The following VPS13D variants were observed in gnomAD, a reference collection of about 807,000 sequenced individuals.
The protein encoded by VPS13D is vacuolar protein sorting 13 homolog D.
VPS13D carries 187 observed loss-of-function variants against 461.9 expected under a neutral mutation model. The observed-to-expected ratio is 0.40, with a 90% CI of 0.36 to 0.46. VPS13D has a LOEUF of 0.46. VPS13D is among the 20% of genes least tolerant of loss of function. The probability of loss-of-function intolerance (pLI) is 0.60; values close to 1 mark genes in which losing one functional copy is unlikely to be tolerated. For missense variants in VPS13D, 4,711 were observed against 5,364.9 expected (o/e 0.88, Z 3.81); for synonymous variants, 1,951 against 1,986.3 (o/e 0.98, Z 0.47).
chr1:12,487,874 G>A lies in VPS13D; in HGVS notation c.12663-9626G>A, dbSNP rs375582842. ...ACCCCTGAAATTTTTTTTTGAAAGCGCCTGCTGTGAGTTTTATTAATGGCA... is the reference window on the plus strand; with the variant it reads ...ACCCCTGAAATTTTTTTTTGAAAGCACCTGCTGTGAGTTTTATTAATGGCA... On this transcript the variant is annotated intron_variant, in intron 67 of 69. Coordinates refer to ENST00000620676, the MANE Select transcript of VPS13D (RefSeq NM_015378.4). 1.4e-4 allele frequency among the ~76,000 whole-genome samples: 21 copies of A among 151,948 alleles called. No individual in the cohort carries two copies. In the East Asian group the frequency reaches 4.1e-3, roughly 29 times the overall value.
intron 17 of VPS13D, 139 bp downstream of exon 17, chr1:12,271,263 C>A: frequency 9.1e-7 from 1 of 1,095,176 alleles, no homozygotes; most frequent in Non-Finnish European, 1.3e-6. Context: ...AAATCCTTAT[C>A]AGCTAGCATA....
In VPS13D at chr1:12,356,409, A is replaced by G. The variant is rs776045108; in HGVS notation, c.9883A>G (p.Ile3295Val). The G allele has an allele frequency of 5.6e-6, 9 of 1,613,774 alleles. No individual in the cohort carries two copies. The South Asian group carries it at 8.8e-5, about 16-fold the overall frequency. The stretch of plus-strand genomic sequence containing the variant: ...TCTCCTTCCTAAAGGGTTGCCACTG[A>G]TCTTCAGACAGGACAATGCCAAGAC... ...WLINKTGLPL[I>V]FRQDNAKTDA... Residue 3295 changes from isoleucine (I) to valine (V), a missense_variant, in exon 49 of 70, where the codon ATC becomes GTC. By Grantham distance (29) the Ile-to-Val change is conservative. This residue lies in a region of VPS13D where 4,411 missense variants were observed against 4,937.8 expected (regional missense o/e 0.89). Transcript: ENST00000620676.
intron 2 of VPS13D, among the ~76,000 whole-genome samples, chr1:12,236,724 A>G (rs1468287283): frequency 6.6e-6 from 1 of 152,100 alleles, no homozygotes; most frequent in Non-Finnish European, 1.5e-5. Context: ...TTACTGTTCT[A>G]GATGCTTTGG....
chr1:12,332,353 A>G (rs1180852138), intron 37 of VPS13D, among the ~76,000 whole-genome samples: 1 of 152,238 alleles, frequency 6.6e-6, no homozygotes, highest in Non-Finnish European at 1.5e-5. Flanking sequence ...ATTATAATGC[A>G]TGTTAATATT....
intron 44 of VPS13D, among the ~76,000 whole-genome samples, chr1:12,347,020 T>G (rs1643691599): frequency 6.6e-6 from 1 of 152,228 alleles, no homozygotes; most frequent in Non-Finnish European, 1.5e-5. Context: ...AGCAGTTTAT[T>G]TCCTCTTTGG....
intron 57 of VPS13D, among the ~76,000 whole-genome samples, chr1:12,380,441 A>G (rs1309719019): frequency 6.6e-6 from 1 of 151,962 alleles, no homozygotes; most frequent in Non-Finnish European, 1.5e-5. Context: ...TGCTGTAGCA[A>G]ATGTCAGAAT....
intron 42 of VPS13D, 127 bp from the exon 43 acceptor site, chr1:12,345,247 T>C (rs1643651038): frequency 1.8e-6 from 2 of 1,096,584 alleles, no homozygotes; most frequent in East Asian, 4.8e-5. Flanking sequence ...CATTAGGTAA[T>C]CTCCAAAAGG....
At chr1:12,411,377 A>T (rs945343631) in intron 63 of VPS13D, among the ~76,000 whole-genome samples, 19 of 152,182 alleles carry the variant, frequency 1.2e-4, no homozygotes, top group African/African-American at 4.6e-4. Flanking sequence ...TTACACCTGT[A>T]ATCCCAGCAC....
At chr1:12,452,915 C>T (rs1645280568) in intron 65 of VPS13D, among the ~76,000 whole-genome samples, 1 of 152,192 alleles carries the variant, frequency 6.6e-6, no homozygotes, top group South Asian at 2.1e-4. Flanking sequence ...CTTGCATAAG[C>T]AATTTTTTAT....
intron 62 of VPS13D, among the ~76,000 whole-genome samples, chr1:12,402,882 C>G (rs548095615): frequency 2.0e-5 from 3 of 152,302 alleles, no homozygotes; most frequent in African/African-American, 7.2e-5. Context: ...GGGGTTGCTT[C>G]CCATGTTTTT....
rs1310608525 is a variant in VPS13D at position 12,357,902 on chromosome 1, G to T, written c.9999-557G>T. Among the ~76,000 whole-genome samples the T allele has an allele frequency of 3.3e-5, 5 of 151,532 alleles. No homozygotes were observed. In the East Asian group the frequency reaches 9.6e-4, roughly 29 times the overall value. On this transcript the variant is annotated intron_variant, in intron 49 of 69. Coordinates refer to ENST00000620676, the MANE Select transcript of VPS13D (RefSeq NM_015378.4). Reference sequence around the variant, plus strand: ...GCCTGTAGTCCCAGCTACTTGGGAGGCTGAGGCAGGAGAATCACTTGAACC... The same window carrying T: ...GCCTGTAGTCCCAGCTACTTGGGAGTCTGAGGCAGGAGAATCACTTGAACC...
intron 2 of VPS13D, 47 bp from the exon 3 acceptor site, chr1:12,242,466 A>T: frequency 6.5e-7 from 1 of 1,534,078 alleles, no homozygotes; most frequent in South Asian, 1.1e-5. Context: ...TAGGTGGCCT[A>T]CTGTATTTGT....
intron 6 of VPS13D, among the ~76,000 whole-genome samples, chr1:12,252,883 G>A (rs997140993): frequency 8.6e-5 from 13 of 151,868 alleles, no homozygotes; most frequent in African/African-American, 3.1e-4. Context: ...TCAGGACTGG[G>A]CGTGGTGGCT....
intron 67 of VPS13D, among the ~76,000 whole-genome samples, chr1:12,485,457 C>T (rs1021289468): frequency 6.6e-6 from 1 of 152,224 alleles, no homozygotes; most frequent in African/African-American, 2.4e-5. Flanking sequence ...GCACAAGAGC[C>T]CTTCTGGCCC....
chr1:12,324,578 G>A (rs1314841181), intron 35 of VPS13D, among the ~76,000 whole-genome samples: 1 of 152,172 alleles, frequency 6.6e-6, no homozygotes, highest in East Asian at 1.9e-4. Flanking sequence ...TAATGACTTT[G>A]GGAAGTGGCT....
intron 54 of VPS13D, among the ~76,000 whole-genome samples, chr1:12,372,545 C>T (rs978870053): frequency 6.6e-6 from 1 of 152,096 alleles, no homozygotes; most frequent in Non-Finnish European, 1.5e-5. Context: ...TTCCATATTT[C>T]AAATGGAATT....
At chr1:12,251,469 C>T (rs1381013337) in intron 6 of VPS13D, among the ~76,000 whole-genome samples, 1 of 152,174 alleles carries the variant, frequency 6.6e-6, no homozygotes, top group Admixed American at 6.5e-5. Context: ...TTCCATTTGT[C>T]CTATACCAAT....
At chr1:12,347,271 A>G (rs927413792) in intron 44 of VPS13D, among the ~76,000 whole-genome samples, 15 of 152,222 alleles carry the variant, frequency 9.9e-5, no homozygotes, top group African/African-American at 3.6e-4. Context: ...CCCGGGTTCA[A>G]GCAATTCTCT....
At position 12,253,797 on chromosome 1, in the gene VPS13D, C is replaced by G; in HGVS notation, c.640C>G (p.Leu214Val). Residue 214 changes from leucine to valine, a missense_variant, in exon 7 of 70, where the codon CTG becomes GTG. Leu to Val is a conservative substitution (Grantham distance 32). Coordinates refer to ENST00000620676, the MANE Select transcript of VPS13D (RefSeq NM_015378.4). ...CTATTGGGATGTCGATTGCACTTTA[C>G]TGGGGGATTTGCCTCAGATGGAGTT... ...SIYWDVDCTL[L>V]GDLPQMELQE... 1 of 1,613,986 alleles carries G rather than the reference C, an allele frequency of 6.2e-7. No homozygotes were observed.
Sources: gnomAD v4.1 joint callset for allele counts (sites outside exome capture counted in the v4.1 genomes callset) on GRCh38, gnomAD v4.1.1 for gene constraint, gnomAD v4.1.1 regional missense constraint, MANE v1.5 for transcripts, NCBI Gene and HGNC (gene_info 2026-07-23, HGNC 2026-07-21) for gene names.